SERHL2: variants seen among roughly 807,000 people sequenced by gnomAD.
SERHL2 encodes serine hydrolase like 2.
Under a neutral mutation model 25.5 loss-of-function variants are expected in SERHL2, and 29 were observed. The observed-to-expected ratio is 1.14, with a 90% confidence interval of 0.85 to 1.55. The LOEUF is 1.55. Ranked by LOEUF, SERHL2 falls within the 40% of genes most tolerant of loss-of-function variation. The pLI, the probability that SERHL2 is intolerant of heterozygous loss-of-function variation, is 0.00. For missense variants in SERHL2, 240 were observed against 252.3 expected (o/e 0.95, Z 0.33); for synonymous variants, 95 against 103.5 (o/e 0.92, Z 0.50).
intron 9 of SERHL2, chr22:42,569,781 G>A (rs1923906775): frequency 6.6e-6 from 1 of 151,832 alleles, no homozygotes; most frequent in Non-Finnish European, 1.5e-5. Flanking sequence ...AATAGCTGGA[G>A]GGCCAGGGTG....
chr22:42,560,410 C>A, intron 8 of SERHL2, 145 bp downstream of exon 8: 1 of 654,224 alleles, frequency 1.5e-6, no homozygotes, highest in East Asian at 2.7e-5. Flanking sequence ...ACCCTCATCC[C>A]ATTTAGAGCA....
intron 8 of SERHL2, among the ~76,000 whole-genome samples, chr22:42,561,408 C>G (rs564244196): frequency 6.6e-6 from 1 of 150,606 alleles, no homozygotes; most frequent in South Asian, 2.1e-4. Context: ...GCTCATTGGA[C>G]CAGGTGAGGT....
intron 8 of SERHL2, among the ~76,000 whole-genome samples, chr22:42,564,775 T>C (rs1010657374): frequency 2.0e-5 from 3 of 151,798 alleles, no homozygotes; most frequent in African/African-American, 7.2e-5. Context: ...TCATGGCTCT[T>C]TTACAGAGTT....
intron 9 of SERHL2, among the ~76,000 whole-genome samples, chr22:42,567,677 AAAAT>A (rs200455074): frequency 0.018 from 2,575 of 146,238 alleles, 70 homozygotes; most frequent in African/African-American, 0.063. Context: ...TGTCAAAAAA[AAAAT>A]AAATAAATAA....
chr22:42,562,477 C>T (rs978477845), intron 8 of SERHL2, among the ~76,000 whole-genome samples: 12 of 151,858 alleles, frequency 7.9e-5, no homozygotes, highest in East Asian at 5.8e-4. Flanking sequence ...CTCAGGAGCC[C>T]GTTGGCTTGT....
intron 9 of SERHL2, chr22:42,569,867 G>C (rs1332826664): frequency 6.8e-6 from 1 of 147,712 alleles, no homozygotes; most frequent in Non-Finnish European, 1.5e-5. Context: ...GTGTGTGTGT[G>C]TGTGTGTTCA....
intron 8 of SERHL2, among the ~76,000 whole-genome samples, chr22:42,562,929 A>C (rs1035235479): frequency 1.3e-5 from 2 of 151,970 alleles, no homozygotes; most frequent in Non-Finnish European, 2.9e-5. Flanking sequence ...GCGTATTCAC[A>C]CATGCCTGTA....
intron 9 of SERHL2, among the ~76,000 whole-genome samples, chr22:42,566,717 C>G (rs556839102): frequency 1.3e-5 from 2 of 151,916 alleles, no homozygotes; most frequent in Non-Finnish European, 2.9e-5. Flanking sequence ...GGGAAAAGCT[C>G]GAAGTCAGCT....
intron 8 of SERHL2, among the ~76,000 whole-genome samples, chr22:42,563,640 A>G (rs1922979500): frequency 6.6e-6 from 1 of 151,994 alleles, no homozygotes; most frequent in Admixed American, 6.6e-5. Context: ...AGTTTAATCA[A>G]AAACATTTGG....
intron 10 of SERHL2, chr22:42,571,841 G>A (rs1924243571): frequency 6.6e-6 from 1 of 152,244 alleles, no homozygotes; most frequent in Non-Finnish European, 1.4e-5. Flanking sequence ...TCTACGTGTT[G>A]TATGGCTGCA....
chr22:42,570,123 T>C (rs1485847103), intron 9 of SERHL2: 3 of 152,126 alleles, frequency 2.0e-5, no homozygotes, highest in Non-Finnish European at 1.5e-5. Flanking sequence ...CTAGCAGCTA[T>C]ATTAAAACAG....
chr22:42,553,992 G>A lies in SERHL2; in HGVS notation c.-29G>A. On this transcript the variant is annotated 5_prime_UTR_variant, in exon 1 of 12. Coordinates refer to ENST00000327678, the MANE Select transcript of SERHL2 (RefSeq NM_014509.5). Reference sequence around the variant, plus strand: ...GCGACCTAGCCAGGCGTGAGGGAGTGACAGCAGCGCATTCGCGGGACGAGA... The same window carrying A: ...GCGACCTAGCCAGGCGTGAGGGAGTAACAGCAGCGCATTCGCGGGACGAGA... 13 of 1,613,266 alleles carry A rather than the reference G, an allele frequency of 8.1e-6. 1 individual carries two copies. Among genetic ancestry groups the A allele is most frequent in the Non-Finnish European group, 9.3e-6 (11 of 1,179,564 alleles).
chr22:42,571,468 G>A, intron 10 of SERHL2: 4 of 1,321,652 alleles, frequency 3.0e-6, no homozygotes, highest in South Asian at 1.8e-5. Context: ...GCCCAGGTAA[G>A]GCTCCATAAC....
At chr22:42,560,501 G>C (rs980319170) in intron 8 of SERHL2, among the ~76,000 whole-genome samples, 16 of 151,822 alleles carry the variant, frequency 1.1e-4, no homozygotes, top group Admixed American at 2.0e-4. Context: ...CCACGCTCTG[G>C]GAGAGTTTGG....
chr22:42,559,532 T>C (rs1238677514), intron 7 of SERHL2, among the ~76,000 whole-genome samples: 1 of 151,582 alleles, frequency 6.6e-6, no homozygotes, highest in Non-Finnish European at 1.5e-5. Flanking sequence ...AAACCCTGTG[T>C]CTACTAAAAA....
At chr22:42,559,398 C>T (rs1601831549) in intron 7 of SERHL2, among the ~76,000 whole-genome samples, 1 of 151,180 alleles carries the variant, frequency 6.6e-6, no homozygotes, top group Non-Finnish European at 1.5e-5. Flanking sequence ...AAAGTGAGAC[C>T]CTGTCTCAAT....
chr22:42,573,036 A>G (rs544782240), intron 11 of SERHL2, among the ~76,000 whole-genome samples: 1 of 151,750 alleles, frequency 6.6e-6, no homozygotes, highest in African/African-American at 2.4e-5. Context: ...CTCTGCACCC[A>G]TCATGACAGT....
At chr22:42,564,651 G>A (rs535243636) in intron 8 of SERHL2, among the ~76,000 whole-genome samples, 6 of 151,796 alleles carry the variant, frequency 4.0e-5, no homozygotes, top group South Asian at 2.1e-4. Context: ...GGCTGGTCTC[G>A]AACTCCTGAC....
At chr22:42,570,837 T>A (rs1046408) in intron 9 of SERHL2, among the ~76,000 whole-genome samples, 3 of 151,926 alleles carry the variant, frequency 2.0e-5, no homozygotes, top group African/African-American at 4.8e-5. Flanking sequence ...GCCTTTAATC[T>A]CACAGGCATA....
Sources: allele counts gnomAD v4.1 joint callset (sites outside exome capture counted in the v4.1 genomes callset), GRCh38; gene constraint gnomAD v4.1.1; transcripts MANE v1.5; gene names NCBI Gene and HGNC (gene_info 2026-07-23, HGNC 2026-07-21).